The following LAMA4 variants were observed in gnomAD, a reference collection of about 807,000 sequenced individuals.
LAMA4 encodes the protein laminin subunit alpha 4.
LAMA4 carries 127 observed loss-of-function variants against 207.1 expected under a neutral mutation model. That is an observed-to-expected ratio of 0.61 (90% CI 0.53 to 0.71). The LOEUF is 0.71. Ranked by LOEUF, LAMA4 falls within the 30% of genes least tolerant of loss-of-function variation. The pLI, the probability that LAMA4 is intolerant of heterozygous loss-of-function variation, is 0.00. For synonymous variants in LAMA4, 761 were observed against 816.0 expected, an observed-to-expected ratio of 0.93 and a Z score of 1.15; for missense variants, 2,093 against 2,246.5, an observed-to-expected ratio of 0.93 and a Z score of 1.38.
intron 33 of LAMA4, 45 bp downstream of exon 33, chr6:112,120,238 A>G (rs781957936): frequency 4.7e-6 from 7 of 1,504,618 alleles, no homozygotes; most frequent in South Asian, 2.3e-5. Context: ...CCATTTGACA[A>G]TGGTAGCTAT....
At chr6:112,208,516 C>T (rs139700816) in intron 3 of LAMA4, among the ~76,000 whole-genome samples, 3 of 152,192 alleles carry the variant, frequency 2.0e-5, no homozygotes, top group African/African-American at 4.8e-5. Flanking sequence ...GCAAATTGCC[C>T]GAGGTCACAC....
chr6:112,145,144 T>C (rs1363743463), intron 18 of LAMA4, among the ~76,000 whole-genome samples: 3 of 152,218 alleles, frequency 2.0e-5, no homozygotes, highest in African/African-American at 7.2e-5. Context: ...CGGACTCAGC[T>C]AGTTTAGGGC....
At chr6:112,188,974 G>A in intron 7 of LAMA4, 136 bp downstream of exon 7, 1 of 683,170 alleles carries the variant, frequency 1.5e-6, no homozygotes, top group Non-Finnish European at 2.7e-6. Flanking sequence ...TCCATTTGCT[G>A]AGGTGCAGAA....
intron 6 of LAMA4, among the ~76,000 whole-genome samples, chr6:112,190,905 TTC>T (rs1491490159): frequency 4.4e-5 from 4 of 89,888 alleles, no homozygotes; most frequent in South Asian, 1.1e-3. Context: ...CTTTCTTTCT[TTC>T]TTTCTTTCTT....
intron 13 of LAMA4, among the ~76,000 whole-genome samples, chr6:112,161,531 C>T (rs912571973): frequency 1.3e-5 from 2 of 152,104 alleles, no homozygotes; most frequent in East Asian, 1.9e-4. Flanking sequence ...ACAAATATTC[C>T]CTGTGTGCTC....
At chr6:112,222,303 C>T (rs1292378627) in intron 2 of LAMA4, among the ~76,000 whole-genome samples, 1 of 152,204 alleles carries the variant, frequency 6.6e-6, no homozygotes. Flanking sequence ...GTGGTTTCAA[C>T]ATTCTTCGGA....
At chr6:112,216,519 G>T in intron 2 of LAMA4, 50 bp from the exon 3 acceptor site, 1 of 1,275,188 alleles carries the variant, frequency 7.8e-7, no homozygotes, top group Non-Finnish European at 1.1e-6. Flanking sequence ...ATTGATTTTG[G>T]TCAATATTTT....
intron 26 of LAMA4, among the ~76,000 whole-genome samples, chr6:112,133,766 T>G (rs1779180641): frequency 6.6e-6 from 1 of 152,220 alleles, no homozygotes; most frequent in South Asian, 2.1e-4. Context: ...TAGATGGAGA[T>G]GCTATGATTT....
At chr6:112,203,474 A>G (rs782814619) in intron 4 of LAMA4, among the ~76,000 whole-genome samples, 42 of 152,332 alleles carry the variant, frequency 2.8e-4, no homozygotes, top group South Asian at 1.5e-3. Context: ...GAATTTCTTA[A>G]AAAGCTGAAA....
chr6:112,233,141 GTTGA>G (rs1785670935), intron 2 of LAMA4, among the ~76,000 whole-genome samples: 1 of 152,194 alleles, frequency 6.6e-6, no homozygotes, highest in African/African-American at 2.4e-5. Flanking sequence ...GGACACCGTG[GTTGA>G]CTATTGATGT....
intron 3 of LAMA4, among the ~76,000 whole-genome samples, chr6:112,211,771 T>A (rs1784366560): frequency 6.6e-6 from 1 of 151,802 alleles, no homozygotes; most frequent in Non-Finnish European, 1.5e-5. Flanking sequence ...CACAAGAGAG[T>A]GAAAGAACAA....
chr6:112,139,459 A>G (rs1458157270), intron 23 of LAMA4, among the ~76,000 whole-genome samples, 168 bp from the exon 24 acceptor site: 2 of 152,212 alleles, frequency 1.3e-5, no homozygotes, highest in Non-Finnish European at 2.9e-5. Flanking sequence ...GGTATGTTAA[A>G]TGGATTGTTT....
rs147206383 is a variant in LAMA4 at position 112,142,160 on chromosome 6, C to T, written c.2626G>A (p.Glu876Lys). 70 of 1,613,956 alleles carry T rather than the reference C, an allele frequency of 4.3e-5. No individual in the cohort carries two copies. Among genetic ancestry groups the T allele is most frequent in the Middle Eastern group, 3.3e-4 (2 of 6,084 alleles). ...TACAGGATAAACTGATCTGCAGTCTCGGTCAGTTCCGGCCGCTTCACAGGG... is the reference window on the plus strand; with the variant it reads ...TACAGGATAAACTGATCTGCAGTCTTGGTCAGTTCCGGCCGCTTCACAGGG... ...KPPVKRPELTETADQFILYLG... is the reference protein window; with the variant it reads ...KPPVKRPELTKTADQFILYLG... The change falls in exon 20 of 39, where the codon GAG becomes AAG. Residue 876 changes from glutamate (E) to lysine (K), a missense_variant. Physicochemically the swap from Glu to Lys is moderately conservative, Grantham distance 56. This residue lies in a region of LAMA4 where 1,704 missense variants were observed against 1,788.4 expected (regional missense o/e 0.95). Transcript: ENST00000230538.
intron 5 of LAMA4, among the ~76,000 whole-genome samples, chr6:112,200,895 A>T (rs1444898161): frequency 3.3e-5 from 5 of 152,042 alleles, no homozygotes; most frequent in African/African-American, 9.7e-5. Flanking sequence ...GGTGGGGGGC[A>T]AGGGGAGGGA....
intron 2 of LAMA4, among the ~76,000 whole-genome samples, chr6:112,230,934 G>A (rs767670284): frequency 3.7e-4 from 57 of 152,210 alleles, no homozygotes; most frequent in Non-Finnish European, 7.3e-4. Context: ...CTTGTTGAAA[G>A]CTGTTTACAT....
chr6:112,207,136 G>C lies in LAMA4; in HGVS notation c.307C>G (p.Arg103Gly), dbSNP rs138176093. Residue 103 changes from arginine (R) to glycine (G), a missense_variant, in exon 4 of 39, where the codon CGG (arginine) becomes GGG (glycine). Physicochemically the swap from Arg to Gly is moderately radical, Grantham distance 125. Around this residue, in one of 3 missense-constraint regions of LAMA4, gnomAD observed 1,704 missense variants for 1,788.4 expected, o/e 0.95. Coordinates refer to ENST00000230538, the MANE Select transcript of LAMA4 (RefSeq NM_001105206.3). ...DGSGYCVHCQRNTTGEHCEKC... is the reference protein window; with the variant it reads ...DGSGYCVHCQGNTTGEHCEKC... ...TCACAGTGCTCTCCTGTTGTGTTCC[G>C]CTGGCAGTGCTATGAGACAAAAGAC... 9.9e-6 allele frequency: 16 copies of C among 1,613,838 alleles called. No homozygotes were observed. The East Asian group carries it at 3.3e-4, about 34-fold the overall frequency.
At chr6:112,254,374 T>TCTCTCCCTCTCC in intron 1 of LAMA4, 83 bp from the exon 2 acceptor site, 1 of 597,384 alleles carries the variant, frequency 1.7e-6, no homozygotes, top group Non-Finnish European at 3.0e-6. Context: ...TCTCCCCCTC[T>TCTCTCCCTCTCC]CTCTCCCTCT....
In LAMA4 at chr6:112,253,631, A is replaced by G. The variant is rs117617193; in HGVS notation, c.195+325T>C. 8.7e-4 allele frequency: 880 copies of G among 1,007,444 alleles called. 12 individuals carry two copies. In the East Asian group the frequency reaches 0.02, roughly 23 times the overall value. 62.4% of individuals were successfully genotyped at this position (1,007,444 alleles called of 1,614,324 possible). The stretch of plus-strand genomic sequence containing the variant: ...AGTGCCGTGGCTTGACAAAATGACT[A>G]CTGGGACACGCAAGTGGCAGAAGTC... On this transcript the variant is annotated intron_variant, in intron 2 of 38. Coordinates refer to ENST00000230538, the MANE Select transcript of LAMA4 (RefSeq NM_001105206.3).
intron 3 of LAMA4, 116 bp downstream of exon 3, chr6:112,216,251 AG>A: frequency 1.3e-6 from 1 of 745,828 alleles, no homozygotes; most frequent in Non-Finnish European, 2.4e-6. Flanking sequence ...GGTGAACAAA[AG>A]CACTTGATTA....
Sources: gnomAD v4.1 joint callset for allele counts (sites outside exome capture counted in the v4.1 genomes callset) on GRCh38, gnomAD v4.1.1 for gene constraint, gnomAD v4.1.1 regional missense constraint, MANE v1.5 for transcripts, NCBI Gene and HGNC (gene_info 2026-07-23, HGNC 2026-07-21) for gene names.